Variants in THSD7B observed in about 807,000 individuals in gnomAD.
The protein encoded by THSD7B is thrombospondin type 1 domain containing 7B.
In THSD7B, 138 loss-of-function variants were observed where a neutral mutation model predicts 213.6. That is an observed-to-expected ratio of 0.65 (90% confidence interval 0.56 to 0.74). The LOEUF is 0.74. THSD7B is among the 30% of genes least tolerant of loss of function. The pLI is 0.00. For missense variants in THSD7B, 1,931 were observed against 1,991.5 expected (o/e 0.97, Z 0.58); for synonymous variants, 742 against 687.0 (o/e 1.08, Z -1.25).
At chr2:137,574,959 A>G (rs1681428714) in intron 17 of THSD7B, among the ~76,000 whole-genome samples, 2 of 152,074 alleles carry the variant, frequency 1.3e-5, no homozygotes, top group Admixed American at 1.3e-4. Flanking sequence ...GATCTTTAAT[A>G]TTTGCCATTA....
intron 12 of THSD7B, among the ~76,000 whole-genome samples, chr2:137,358,940 T>C (rs767906307): frequency 6.6e-6 from 1 of 152,218 alleles, no homozygotes; most frequent in African/African-American, 2.4e-5. Context: ...CCTGCAGCTT[T>C]GTTAAAAGAA....
chr2:137,026,215 A>C (rs56899750), intron 2 of THSD7B, among the ~76,000 whole-genome samples: 10,945 of 152,192 alleles, frequency 0.072, 429 homozygotes, highest in East Asian at 0.15. Flanking sequence ...AGCGGTGGAG[A>C]CTTTGGGACA....
intron 2 of THSD7B, among the ~76,000 whole-genome samples, chr2:136,945,081 A>G (rs1045071715): frequency 2.0e-5 from 3 of 152,076 alleles, no homozygotes; most frequent in Admixed American, 6.6e-5. Context: ...TAGGGCAGGC[A>G]TGGTGGTGAC....
At chr2:136,768,929 C>T (rs976521103) in intron 1 of THSD7B, among the ~76,000 whole-genome samples, 5 of 152,132 alleles carry the variant, frequency 3.3e-5, no homozygotes, top group East Asian at 1.9e-4. Context: ...ATAATTAGCA[C>T]GTTAAACCTG....
At chr2:137,643,877 T>A (rs998788758) in intron 21 of THSD7B, among the ~76,000 whole-genome samples, 1 of 152,194 alleles carries the variant, frequency 6.6e-6, no homozygotes, top group Non-Finnish European at 1.5e-5. Flanking sequence ...CTACTGTACC[T>A]TACCTGTTTT....
At chr2:137,244,313 A>G (rs1681976905) in intron 10 of THSD7B, among the ~76,000 whole-genome samples, 1 of 152,204 alleles carries the variant, frequency 6.6e-6, no homozygotes, top group African/African-American at 2.4e-5. Context: ...TTCCTGTTAA[A>G]TTGTTATAAG....
At chr2:136,961,088 CAAAAAAAAAAAA>C (rs57328048) in intron 2 of THSD7B, among the ~76,000 whole-genome samples, 1 of 39,084 alleles carries the variant, frequency 2.6e-5, no homozygotes, top group Non-Finnish European at 4.0e-5. Flanking sequence ...GACTCCGTCT[CAAAAAAAAAAAA>C]AAAAAAAAAA....
At chr2:137,066,202 T>C (rs1413434844) in intron 3 of THSD7B, among the ~76,000 whole-genome samples, 2 of 147,976 alleles carry the variant, frequency 1.4e-5, no homozygotes, top group Admixed American at 6.7e-5. Context: ...TTTTTTTTTT[T>C]TTTTTTTGAG....
intron 16 of THSD7B, among the ~76,000 whole-genome samples, chr2:137,567,026 A>G (rs1365814398): frequency 6.6e-6 from 1 of 152,164 alleles, no homozygotes; most frequent in African/African-American, 2.4e-5. Flanking sequence ...CAGAGTAACA[A>G]GCTGTCCCAT....
chr2:137,513,098 G>T (rs541419534), intron 15 of THSD7B, among the ~76,000 whole-genome samples: 2 of 152,244 alleles, frequency 1.3e-5, no homozygotes, highest in Middle Eastern at 3.4e-3. Context: ...AAACTTTATC[G>T]CATTAAATAA....
At chr2:137,538,312 G>C (rs576982138) in intron 15 of THSD7B, among the ~76,000 whole-genome samples, 2 of 151,584 alleles carry the variant, frequency 1.3e-5, no homozygotes, top group Non-Finnish European at 3.0e-5. Context: ...TATTTTGCTC[G>C]AGACTGGGAG....
intron 1 of THSD7B, among the ~76,000 whole-genome samples, chr2:136,866,234 A>AT (rs2104976899): frequency 6.6e-6 from 1 of 151,912 alleles, no homozygotes; most frequent in African/African-American, 2.4e-5. Context: ...ATGTATTTAG[A>AT]TTGTCATTTT....
intron 15 of THSD7B, among the ~76,000 whole-genome samples, chr2:137,500,940 G>T (rs1038755769): frequency 7.3e-5 from 11 of 151,498 alleles, no homozygotes; most frequent in Admixed American, 2.6e-4. Context: ...ATGTTTCATG[G>T]TTTTTTTTTA....
chr2:137,055,051 G>T (rs186051295), intron 2 of THSD7B, among the ~76,000 whole-genome samples: 1 of 152,104 alleles, frequency 6.6e-6, no homozygotes, highest in East Asian at 1.9e-4. Flanking sequence ...CTATTCCTGT[G>T]TTCGTTTGCT....
chr2:137,074,193 T>C (rs1428140704), intron 3 of THSD7B, among the ~76,000 whole-genome samples: 2 of 151,998 alleles, frequency 1.3e-5, no homozygotes, highest in South Asian at 4.1e-4. Context: ...GGTGTTAAAG[T>C]CTCCCATTAT....
intron 1 of THSD7B, among the ~76,000 whole-genome samples, chr2:136,768,613 A>G (rs1040250906): frequency 1.3e-5 from 2 of 152,216 alleles, no homozygotes; most frequent in Admixed American, 6.5e-5. Context: ...TGACAACTAT[A>G]TTAGTTGATG....
At chr2:136,843,444 A>G (rs971271586) in intron 1 of THSD7B, among the ~76,000 whole-genome samples, 1 of 152,222 alleles carries the variant, frequency 6.6e-6, no homozygotes, top group African/African-American at 2.4e-5. Context: ...CACCACATGC[A>G]TAGGGAAGCC....
chr2:136,805,686 T>A (rs909633920), intron 1 of THSD7B, among the ~76,000 whole-genome samples: 4 of 152,214 alleles, frequency 2.6e-5, no homozygotes, highest in Admixed American at 2.6e-4. Flanking sequence ...GATCTGCTGA[T>A]TGGGTTTGGC....
At chr2:137,026,545 G>A (rs191515670) in intron 2 of THSD7B, among the ~76,000 whole-genome samples, 1 of 152,230 alleles carries the variant, frequency 6.6e-6, no homozygotes, top group East Asian at 1.9e-4. Context: ...CCCTCAAAAT[G>A]AACTAGCCTT....
Sources: allele counts gnomAD v4.1 joint callset (sites outside exome capture counted in the v4.1 genomes callset), GRCh38; gene constraint gnomAD v4.1.1; transcripts MANE v1.5; gene names NCBI Gene and HGNC (gene_info 2026-07-23, HGNC 2026-07-21).